PARPBP: variants seen among roughly 807,000 people sequenced by gnomAD.
The protein encoded by PARPBP is PCNA-interacting partner.
PARPBP carries 52 observed loss-of-function variants against 50.0 expected under a neutral mutation model. That is an observed-to-expected ratio of 1.04 (90% CI 0.83 to 1.31). The LOEUF (loss-of-function observed/expected upper bound fraction) is 1.31, where lower values mean the gene tolerates loss of function less well. PARPBP is among the 50% of genes most tolerant of loss of function. PARPBP has a pLI of 0.00. For synonymous variants in PARPBP, 244 were observed against 232.1 expected (o/e 1.05, Z -0.47); for missense variants, 697 against 672.0 (o/e 1.04, Z -0.41).
At chr12:102,156,176 CTTTTTTTTTTTTTTTT>C (rs869213784) in intron 4 of PARPBP, among the ~76,000 whole-genome samples, 7 of 66,176 alleles carry the variant, frequency 1.1e-4, no homozygotes, top group Admixed American at 3.8e-4. Context: ...ATTAACCTTC[CTTTTTTTTTTTTTTTT>C]TTTTTTTTTT....
rs865775656 is a variant in PARPBP, at chr12:102,158,206, C to T, written c.495+4230C>T. 8.0e-5 allele frequency among the ~76,000 whole-genome samples: 12 copies of T among 150,510 alleles called. 1 individual carries two copies. In the Middle Eastern group the frequency reaches 0.021, roughly 261 times the overall value. On this transcript the variant is annotated intron_variant, in intron 4 of 10. Transcript: ENST00000327680. ...AATTACTTGCCATTTCTCAATAAAG[C>T]TTTATCTTATCAAATGAGATGAAGT...
intron 4 of PARPBP, among the ~76,000 whole-genome samples, chr12:102,157,936 C>T (rs11111183): frequency 0.19 from 28,108 of 151,480 alleles, 2,655 homozygotes; most frequent in Non-Finnish European, 0.21. Flanking sequence ...CTGGCTAACA[C>T]GGTGAACCCT....
intron 6 of PARPBP, among the ~76,000 whole-genome samples, chr12:102,170,759 T>C (rs1888604933): frequency 6.6e-6 from 1 of 152,194 alleles, no homozygotes; most frequent in Non-Finnish European, 1.5e-5. Flanking sequence ...TTATGAACTT[T>C]AAAATTTGAC....
intron 6 of PARPBP, among the ~76,000 whole-genome samples, chr12:102,173,784 G>A (rs976325524): frequency 3.3e-5 from 5 of 151,278 alleles, no homozygotes; most frequent in Non-Finnish European, 7.4e-5. Context: ...TCCTCAGGAT[G>A]ATATCCTGCT....
At position 102,148,407 on chromosome 12, in the gene PARPBP, T is replaced by C. The variant is rs778531249; in HGVS notation, c.331T>C (p.Tyr111His). 2 of 1,570,788 alleles carry C rather than the reference T, an allele frequency of 1.3e-6. No individual in the cohort carries two copies. Among genetic ancestry groups the C allele is most frequent in the South Asian group, 2.2e-5 (2 of 89,548 alleles). ...NSNMLDLIDVYQKCRALTSNC... is the reference protein window; with the variant it reads ...NSNMLDLIDVHQKCRALTSNC... ...TAATATGTTAGATCTGATTGATGTTTATCAAAAATGTAGGGCTTTGACTTC... is the reference window on the plus strand; with the variant it reads ...TAATATGTTAGATCTGATTGATGTTCATCAAAAATGTAGGGCTTTGACTTC... The change falls in exon 3 of 11, where the codon TAT becomes CAT. Residue 111 changes from tyrosine (Y) to histidine (H), a missense_variant. By Grantham distance (83) the Tyr-to-His change is moderately conservative. Transcript: ENST00000327680.
chr12:102,191,692 C>T (rs768593351), intron 9 of PARPBP, among the ~76,000 whole-genome samples: 18 of 152,070 alleles, frequency 1.2e-4, no homozygotes, highest in Non-Finnish European at 2.4e-4. Flanking sequence ...TTAAAAAGAG[C>T]TTGTGGCAAA....
chr12:102,174,982 C>T (rs1889114660), intron 6 of PARPBP, among the ~76,000 whole-genome samples: 1 of 152,162 alleles, frequency 6.6e-6, no homozygotes, highest in South Asian at 2.1e-4. Context: ...CTCCCTGTCT[C>T]TTCCCTCACA....
At chr12:102,179,386 G>A (rs1287887356) in intron 8 of PARPBP, among the ~76,000 whole-genome samples, 7 of 152,142 alleles carry the variant, frequency 4.6e-5, no homozygotes, top group South Asian at 4.1e-4. Flanking sequence ...TGCTGTCTTC[G>A]TCTACTCAGG....
At chr12:102,159,499 A>T (rs1448770436) in intron 4 of PARPBP, among the ~76,000 whole-genome samples, 1 of 152,170 alleles carries the variant, frequency 6.6e-6, no homozygotes, top group Admixed American at 6.5e-5. Context: ...AAATATTTTG[A>T]CCATCAAATG....
rs773818332 is a variant in PARPBP, at chr12:102,197,109, A to G, written c.*818A>G. 2.6e-5 allele frequency: 42 copies of G among 1,612,212 alleles called. No individual in the cohort carries two copies. In the East Asian group the frequency reaches 9.1e-4, roughly 35 times the overall value. On this transcript the variant is annotated 3_prime_UTR_variant, in exon 11 of 11. Transcript: ENST00000327680. ...CTACAGATCCTTTTAGTGCAAGATA[A>G]GGTTTTATAGCCAGATTCAGTGGCA...
At chr12:102,127,224 G>A (rs1882147454) in intron 2 of PARPBP, among the ~76,000 whole-genome samples, 1 of 151,710 alleles carries the variant, frequency 6.6e-6, no homozygotes, top group South Asian at 2.1e-4. Context: ...GCGAAACCTC[G>A]TCTCTACAAA....
intron 3 of PARPBP, chr12:102,151,436 T>C (rs1162324379): frequency 1.6e-6 from 1 of 638,112 alleles, no homozygotes; most frequent in Non-Finnish European, 2.7e-6. Flanking sequence ...TCATAAAATG[T>C]AGCACCTCTG....
chr12:102,159,109 A>G (rs538063078), intron 4 of PARPBP, among the ~76,000 whole-genome samples: 2 of 152,082 alleles, frequency 1.3e-5, no homozygotes, highest in African/African-American at 2.4e-5. Flanking sequence ...TCTTTTTACA[A>G]GGTCTTTTTG....
At chr12:102,154,192 CA>C (rs35241570) in intron 4 of PARPBP, among the ~76,000 whole-genome samples, 1 of 152,068 alleles carries the variant, frequency 6.6e-6, no homozygotes, top group African/African-American at 2.4e-5. Context: ...AGGCATTGAA[CA>C]AAAATAGTTA....
intron 9 of PARPBP, among the ~76,000 whole-genome samples, chr12:102,192,941 G>C (rs1358474501): frequency 6.6e-6 from 1 of 151,630 alleles, no homozygotes; most frequent in Non-Finnish European, 1.5e-5. Flanking sequence ...ATACAAAGGG[G>C]GGGAGTTCTG....
intron 6 of PARPBP, among the ~76,000 whole-genome samples, chr12:102,168,778 A>T (rs1055487263): frequency 3.9e-5 from 6 of 152,052 alleles, no homozygotes; most frequent in African/African-American, 1.4e-4. Flanking sequence ...CCATTTGGAC[A>T]TTGCTTCACT....
chr12:102,158,757 T>C (rs1017972667), intron 4 of PARPBP, among the ~76,000 whole-genome samples: 1 of 152,228 alleles, frequency 6.6e-6, no homozygotes, highest in Non-Finnish European at 1.5e-5. Context: ...TTATCTATCC[T>C]GTATGTACTA....
intron 2 of PARPBP, among the ~76,000 whole-genome samples, chr12:102,133,957 G>A (rs946232473): frequency 1.3e-5 from 2 of 151,754 alleles, no homozygotes; most frequent in African/African-American, 4.8e-5. Flanking sequence ...ATGGGATAGA[G>A]CAAAAGCAAT....
intron 6 of PARPBP, among the ~76,000 whole-genome samples, chr12:102,171,338 A>G (rs1888707728): frequency 6.6e-6 from 1 of 152,130 alleles, no homozygotes; most frequent in South Asian, 2.1e-4. Context: ...CACCACAAAC[A>G]TGTGAGTGAT....
Sources: allele counts gnomAD v4.1 joint callset (sites outside exome capture counted in the v4.1 genomes callset), GRCh38; gene constraint gnomAD v4.1.1; transcripts MANE v1.5; gene names NCBI Gene and HGNC (gene_info 2026-07-23, HGNC 2026-07-21).